The following CACNA2D3 variants were observed in gnomAD, a reference collection of about 807,000 sequenced individuals.
CACNA2D3 encodes the protein calcium voltage-gated channel auxiliary subunit alpha2delta 3, also known as voltage-dependent calcium channel subunit alpha-2/delta-3.
CACNA2D3 carries 60 observed loss-of-function variants against 160.6 expected under a neutral mutation model. The ratio of observed to expected loss-of-function variants is 0.37; its 90% CI spans 0.30 to 0.46. The LOEUF (loss-of-function observed/expected upper bound fraction) is 0.46, where lower values mean the gene tolerates loss of function less well. CACNA2D3 is among the 20% of genes least tolerant of loss of function. The probability of loss-of-function intolerance (pLI) is 1.00; values close to 1 mark genes in which losing one functional copy is unlikely to be tolerated. For synonymous variants in CACNA2D3, 558 were observed against 492.9 expected (o/e 1.13, Z -1.75); for missense variants, 1,205 against 1,365.0 (o/e 0.88, Z 1.85).
chr3:54,341,106 T>C (rs1055931077), intron 3 of CACNA2D3, among the ~76,000 whole-genome samples: 1 of 152,240 alleles, frequency 6.6e-6, no homozygotes, highest in Admixed American at 6.5e-5. Context: ...AAAAAGACTT[T>C]CCATGGTCAC....
At chr3:54,779,611 C>T (rs1702494343) in intron 13 of CACNA2D3, among the ~76,000 whole-genome samples, 1 of 152,150 alleles carries the variant, frequency 6.6e-6, no homozygotes, top group African/African-American at 2.4e-5. Context: ...CTGTGCTGGT[C>T]ACCTTTTAGT....
At chr3:55,006,633 G>A (rs770130212) in intron 32 of CACNA2D3, among the ~76,000 whole-genome samples, 15 of 152,184 alleles carry the variant, frequency 9.9e-5, no homozygotes, top group Admixed American at 2.6e-4. Flanking sequence ...GGAAGCACTC[G>A]GTTGAACCAG....
intron 11 of CACNA2D3, among the ~76,000 whole-genome samples, chr3:54,662,789 G>C (rs1699995852): frequency 6.6e-6 from 1 of 152,226 alleles, no homozygotes; most frequent in Admixed American, 6.5e-5. Flanking sequence ...TCTTCTCAGT[G>C]TTAATGTGGA....
At chr3:54,800,794 C>T (rs1297750948) in intron 13 of CACNA2D3, among the ~76,000 whole-genome samples, 2 of 152,168 alleles carry the variant, frequency 1.3e-5, no homozygotes, top group African/African-American at 4.8e-5. Context: ...ATATGACCTT[C>T]AGTGACCAGT....
At chr3:54,165,447 C>G (rs1700433723) in intron 2 of CACNA2D3, among the ~76,000 whole-genome samples, 1 of 151,906 alleles carries the variant, frequency 6.6e-6, no homozygotes, top group Non-Finnish European at 1.5e-5. Context: ...GCCCTCTGCT[C>G]CTTTGATATT....
intron 2 of CACNA2D3, among the ~76,000 whole-genome samples, chr3:54,162,344 G>GC (rs1273107447): frequency 1.3e-5 from 2 of 152,250 alleles, no homozygotes; most frequent in East Asian, 1.9e-4. Context: ...TGACTTGATG[G>GC]CTGGGGATTG....
chr3:54,548,698 A>G (rs1280637257), intron 5 of CACNA2D3, among the ~76,000 whole-genome samples: 1 of 152,180 alleles, frequency 6.6e-6, no homozygotes, highest in East Asian at 1.9e-4. Flanking sequence ...GACCGTCTCC[A>G]TTACTACTAC....
intron 2 of CACNA2D3, among the ~76,000 whole-genome samples, chr3:54,238,002 A>G (rs891471953): frequency 3.3e-5 from 5 of 152,272 alleles, no homozygotes; most frequent in African/African-American, 1.2e-4. Flanking sequence ...CTCATCTCCC[A>G]GTCACATGAA....
chr3:54,290,563 A>C (rs1420842032), intron 2 of CACNA2D3, among the ~76,000 whole-genome samples: 1 of 151,184 alleles, frequency 6.6e-6, no homozygotes, highest in Non-Finnish European at 1.5e-5. Context: ...TACTGGGTAT[A>C]TACCCAAAGG....
intron 5 of CACNA2D3, among the ~76,000 whole-genome samples, chr3:54,528,787 A>G (rs1701763674): frequency 6.6e-6 from 1 of 152,178 alleles, no homozygotes; most frequent in South Asian, 2.1e-4. Context: ...TAAACATGCA[A>G]ATTCAGATGG....
In CACNA2D3 at chr3:54,871,770, A is replaced by G. The variant is rs938406741; in HGVS notation, c.1710+148A>G. ...CGTGGAGACAAGGGGCCTTTGTACC[A>G]TGTGTGGAGTTTTATAACTCTTCAG... On this transcript the variant is annotated intron_variant, in intron 18 of 37. Coordinates refer to ENST00000474759, the MANE Select transcript of CACNA2D3 (RefSeq NM_018398.3). 1.6e-5 allele frequency: 10 copies of G among 613,072 alleles called. No homozygotes were observed. The Admixed American group carries it at 1.7e-4, about 10-fold the overall frequency. The allele number at this position is 613,072 out of a possible 1,614,324, so 38.0% of individuals were successfully genotyped here.
chr3:54,808,364 C>T (rs1703190044), intron 13 of CACNA2D3, among the ~76,000 whole-genome samples: 2 of 152,132 alleles, frequency 1.3e-5, no homozygotes, highest in South Asian at 4.1e-4. Flanking sequence ...CTGCCATGCC[C>T]TCCCTGCTGT....
chr3:54,282,114 G>C (rs1702895294), intron 2 of CACNA2D3, among the ~76,000 whole-genome samples: 1 of 152,118 alleles, frequency 6.6e-6, no homozygotes, highest in South Asian at 2.1e-4. Context: ...TCATAAAATG[G>C]AAAACATATG....
intron 35 of CACNA2D3, among the ~76,000 whole-genome samples, chr3:55,025,713 T>C (rs1369619987): frequency 6.6e-6 from 1 of 150,412 alleles, no homozygotes; most frequent in Non-Finnish European, 1.5e-5. Flanking sequence ...GTTTTAGCTC[T>C]CTAATACCAC....
chr3:54,924,974 G>T lies in CACNA2D3; in HGVS notation c.2449+25106G>T, dbSNP rs763248040. 4 of 1,611,606 alleles carry T rather than the reference G, an allele frequency of 2.5e-6. No homozygotes were observed. In the East Asian group the frequency reaches 6.7e-5, roughly 27 times the overall value. The stretch of plus-strand genomic sequence containing the variant: ...CAGGGGCCAGATTTGAAAGGGAATT[G>T]TTGGACAAGTTTAAGGTCATGAGCC... On this transcript the variant is annotated intron_variant, in intron 27 of 37. Transcript: ENST00000474759.
intron 13 of CACNA2D3, among the ~76,000 whole-genome samples, chr3:54,806,255 G>A (rs543259130): frequency 1.4e-4 from 22 of 152,304 alleles, no homozygotes; most frequent in African/African-American, 2.4e-4. Flanking sequence ...AAAAGAGGAA[G>A]TCAAATTGTC....
At chr3:54,822,480 G>C (rs1703626155) in intron 14 of CACNA2D3, among the ~76,000 whole-genome samples, 1 of 152,200 alleles carries the variant, frequency 6.6e-6, no homozygotes, top group Non-Finnish European at 1.5e-5. Context: ...CTGCTGCTGA[G>C]GAAGGAGGTG....
chr3:54,318,659 G>C (rs1346309690), intron 2 of CACNA2D3, among the ~76,000 whole-genome samples: 1 of 151,382 alleles, frequency 6.6e-6, no homozygotes, highest in Non-Finnish European at 1.5e-5. Flanking sequence ...TCCATGTCTA[G>C]GTTCCTACCT....
At chr3:54,946,702 G>T (rs1515956) in intron 27 of CACNA2D3, among the ~76,000 whole-genome samples, 39,989 of 151,670 alleles carry the variant, frequency 0.26, 5,591 homozygotes, top group African/African-American at 0.35. Context: ...AGAAAAGCAT[G>T]TTGCTTTGCT....
Sources: gnomAD v4.1 joint callset for allele counts (sites outside exome capture counted in the v4.1 genomes callset) on GRCh38, gnomAD v4.1.1 for gene constraint, MANE v1.5 for transcripts, NCBI Gene and HGNC (gene_info 2026-07-23, HGNC 2026-07-21) for gene names.